Variants in KCNIP4 observed in about 807,000 individuals in gnomAD.
KCNIP4 encodes the protein Kv channel-interacting protein 4.
A neutral mutation model predicts 34.0 loss-of-function variants in KCNIP4; 12 were observed. The observed-to-expected ratio is 0.35, with a 90% CI of 0.23 to 0.57. KCNIP4 has a LOEUF of 0.57. Among genes scored for constraint, KCNIP4 ranks in the 20% least tolerant of loss-of-function variants. The pLI is 0.83. For missense variants in KCNIP4, 238 were observed against 311.7 expected, an observed-to-expected ratio of 0.76 and a Z score of 1.78; for synonymous variants, 124 against 102.2, an observed-to-expected ratio of 1.21 and a Z score of -1.29.
intron 1 of KCNIP4, among the ~76,000 whole-genome samples, chr4:21,790,052 A>T (rs1720174578): frequency 6.6e-6 from 1 of 152,342 alleles, no homozygotes; most frequent in Non-Finnish European, 1.5e-5. Flanking sequence ...CTGCCTCAGC[A>T]TGTCATTTAA....
At chr4:21,867,544 G>A (rs1725506442) in intron 1 of KCNIP4, among the ~76,000 whole-genome samples, 1 of 152,158 alleles carries the variant, frequency 6.6e-6, no homozygotes, top group East Asian at 1.9e-4. Flanking sequence ...TCACACTAGA[G>A]GTTAGGACAG....
At chr4:21,246,905 C>A (rs1040611435) in intron 1 of KCNIP4, among the ~76,000 whole-genome samples, 2 of 152,104 alleles carry the variant, frequency 1.3e-5, no homozygotes, top group Non-Finnish European at 2.9e-5. Flanking sequence ...ATTTAAAATG[C>A]AATTATGAAA....
In KCNIP4 at chr4:21,766,309, G is replaced by A. The variant is rs545603522; in HGVS notation, c.61+182262C>T. On this transcript the variant is annotated intron_variant, in intron 1 of 8. Transcript: ENST00000382152. ...ATTTACTATCTCAATAATAACCCTT[G>A]AGACAGTTTCCCTTACCCACTTTAT... Among the ~76,000 whole-genome samples the A allele has an allele frequency of 8.5e-5, 13 of 152,230 alleles. No individual in the cohort carries two copies. The East Asian group carries it at 2.5e-3, about 29-fold the overall frequency.
chr4:21,123,205 T>TA (rs11413946), intron 1 of KCNIP4, among the ~76,000 whole-genome samples: 102,243 of 149,480 alleles, frequency 0.68, 35,225 homozygotes, highest in African/African-American at 0.79. Flanking sequence ...CAGAGCAAGT[T>TA]AAAAAAAAAA....
At chr4:21,242,163 C>CAAAAAAAAAAAAAAAAAAAAAAA in intron 1 of KCNIP4, among the ~76,000 whole-genome samples, 1 of 55,744 alleles carries the variant, frequency 1.8e-5, no homozygotes, top group African/African-American at 5.6e-5. Context: ...AATTCTGTCT[C>CAAAAAAAAAAAAAAAAAAAAAAA]AAAAAAAAAA....
chr4:21,607,508 T>C (rs1278824587), intron 1 of KCNIP4, among the ~76,000 whole-genome samples: 1 of 151,924 alleles, frequency 6.6e-6, no homozygotes, highest in Non-Finnish European at 1.5e-5. Context: ...ATTCCCAAAG[T>C]GAATGAATGG....
intron 1 of KCNIP4, among the ~76,000 whole-genome samples, chr4:21,244,412 G>T (rs1212864034): frequency 1.3e-5 from 2 of 152,136 alleles, no homozygotes; most frequent in African/African-American, 4.8e-5. Context: ...CTTTATTGTT[G>T]CATTTCAGAT....
chr4:21,159,099 A>C (rs1051371032), intron 1 of KCNIP4, among the ~76,000 whole-genome samples: 6 of 152,212 alleles, frequency 3.9e-5, no homozygotes, highest in Non-Finnish European at 7.3e-5. Context: ...GTAGAAATCA[A>C]CAAGCTGATT....
At chr4:20,818,708 A>T (rs1226135989) in intron 3 of KCNIP4, among the ~76,000 whole-genome samples, 1 of 152,154 alleles carries the variant, frequency 6.6e-6, no homozygotes, top group Non-Finnish European at 1.5e-5. Context: ...GCTTGAGTTC[A>T]GCCATTGGGA....
intron 1 of KCNIP4, among the ~76,000 whole-genome samples, chr4:21,425,888 G>GA (rs33918514): frequency 0.29 from 43,356 of 151,626 alleles, 7,115 homozygotes; most frequent in Non-Finnish European, 0.38. Context: ...CATCTCTATA[G>GA]AAAAAAATAC....
chr4:21,238,002 C>T (rs1489290591), intron 1 of KCNIP4, among the ~76,000 whole-genome samples: 2 of 152,122 alleles, frequency 1.3e-5, no homozygotes, highest in African/African-American at 2.4e-5. Flanking sequence ...CAAACCGAAT[C>T]CAGCAGCACA....
chr4:21,870,087 C>T (rs1333801368), intron 1 of KCNIP4, among the ~76,000 whole-genome samples: 1 of 152,088 alleles, frequency 6.6e-6, no homozygotes, highest in African/African-American at 2.4e-5. Flanking sequence ...TAGCTGTTCC[C>T]TTTGTAAGAA....
In KCNIP4 at chr4:21,567,910, T is replaced by A. The variant is rs114719696; in HGVS notation, c.61+380661A>T. ...TGGGGCAGAAACACATGATTCCTAG[T>A]CCCAAACAGTTCACAACGCAGAAGG... On this transcript the variant is annotated intron_variant, in intron 1 of 8. Coordinates refer to ENST00000382152, the MANE Select transcript of KCNIP4 (RefSeq NM_025221.6). Among the ~76,000 whole-genome samples the A allele has an allele frequency of 1.8e-3, 279 of 152,152 alleles. 1 individual carries two copies. Among genetic ancestry groups the A allele is most frequent in the African/African-American group, 6.4e-3 (264 of 41,518 alleles).
intron 1 of KCNIP4, among the ~76,000 whole-genome samples, chr4:21,078,062 G>C (rs997379067): frequency 6.6e-6 from 1 of 152,048 alleles, no homozygotes; most frequent in African/African-American, 2.4e-5. Flanking sequence ...TCTAGCAGGA[G>C]GGAACATGGT....
intron 1 of KCNIP4, among the ~76,000 whole-genome samples, chr4:21,877,172 G>A (rs770903674): frequency 1.3e-5 from 2 of 152,032 alleles, no homozygotes; most frequent in Non-Finnish European, 2.9e-5. Context: ...GACCAACATG[G>A]TGAAACCACA....
intron 1 of KCNIP4, among the ~76,000 whole-genome samples, chr4:21,537,205 A>G (rs540559211): frequency 2.6e-5 from 4 of 152,320 alleles, no homozygotes; most frequent in African/African-American, 7.2e-5. Context: ...CAGACTCTAC[A>G]GGAGATCAAG....
chr4:20,832,652 A>G (rs1718560973), intron 3 of KCNIP4, among the ~76,000 whole-genome samples: 1 of 100,056 alleles, frequency 1.0e-5, no homozygotes, highest in African/African-American at 3.7e-5. Context: ...GCCTACCTAC[A>G]ATGGTTGAAA....
At chr4:21,691,086 AT>A (rs1288432317) in intron 1 of KCNIP4, among the ~76,000 whole-genome samples, 1 of 152,186 alleles carries the variant, frequency 6.6e-6, no homozygotes, top group Non-Finnish European at 1.5e-5. Flanking sequence ...ACTGTGAGTA[AT>A]TTTAAATAAA....
At chr4:21,306,176 A>T (rs1712443892) in intron 1 of KCNIP4, among the ~76,000 whole-genome samples, 1 of 152,230 alleles carries the variant, frequency 6.6e-6, no homozygotes. Context: ...AGAGAACCTA[A>T]GTAGCAGGCT....
Sources: gnomAD v4.1 joint callset for allele counts (sites outside exome capture counted in the v4.1 genomes callset) on GRCh38, gnomAD v4.1.1 for gene constraint, MANE v1.5 for transcripts, NCBI Gene and HGNC (gene_info 2026-07-23, HGNC 2026-07-21) for gene names.